DIXDC1: variants seen among roughly 807,000 people sequenced by gnomAD.
The protein encoded by DIXDC1 is DIX domain containing 1.
A neutral mutation model predicts 103.1 loss-of-function variants in DIXDC1; 64 were observed. That is an observed-to-expected ratio of 0.62 (90% CI 0.51 to 0.76). The LOEUF is 0.76. DIXDC1 is among the 30% of genes least tolerant of loss of function. The pLI is 0.00. For synonymous variants in DIXDC1, 266 were observed against 298.5 expected, an observed-to-expected ratio of 0.89 and a Z score of 1.12; for missense variants, 759 against 834.2, an observed-to-expected ratio of 0.91 and a Z score of 1.11.
chr11:111,937,292 C>T, upstream of DIXDC1: 1 of 1,328,696 alleles, frequency 7.5e-7, no homozygotes, highest in East Asian at 3.1e-5. Context: ...GCGACCGCGC[C>T]GGGCCCCTCC....
At chr11:111,949,966 C>T (rs1205067000) in intron 1 of DIXDC1, among the ~76,000 whole-genome samples, 1 of 151,890 alleles carries the variant, frequency 6.6e-6, no homozygotes, top group African/African-American at 2.4e-5. Context: ...ACTTTGTGTC[C>T]GTTATTTATG....
chr11:111,955,123 C>A (rs11530536), intron 1 of DIXDC1, among the ~76,000 whole-genome samples: 1 of 151,954 alleles, frequency 6.6e-6, no homozygotes, highest in Non-Finnish European at 1.5e-5. Flanking sequence ...AACCAGAGTT[C>A]TTTTAAGAAA....
At position 111,964,571 on chromosome 11, in the gene DIXDC1, C is replaced by T; in HGVS notation, c.83C>T (p.Ala28Val). The stretch of plus-strand genomic sequence containing the variant: ...CAGCAACAGCTGCAGGCCTATGTGG[C>T]CTGGGTGAATGCACAGCTGAAGAAG... The part of the protein sequence containing the change: ...FNEQQLQAYV[A>V]WVNAQLKKRP... Residue 28 changes from alanine to valine, a missense_variant, in exon 2 of 20, where the codon GCC (alanine) becomes GTC (valine). Transcript: ENST00000440460. The T allele has an allele frequency of 1.2e-6, 2 of 1,606,904 alleles. No individual in the cohort carries two copies. Among genetic ancestry groups the T allele is most frequent in the South Asian group, 2.2e-5 (2 of 89,878 alleles).
chr11:112,000,280 A>T (rs587719909), intron 17 of DIXDC1, among the ~76,000 whole-genome samples: 276 of 152,354 alleles, frequency 1.8e-3, no homozygotes, highest in African/African-American at 6.4e-3. Flanking sequence ...TTTGCAAATC[A>T]TATTGTCTGA....
chr11:112,014,218 T>C (rs1861517390), intron 17 of DIXDC1, among the ~76,000 whole-genome samples: 2 of 152,184 alleles, frequency 1.3e-5, no homozygotes, highest in Non-Finnish European at 2.9e-5. Flanking sequence ...ATCCATACTT[T>C]GCTGCGAGAT....
At chr11:111,980,539 T>C (rs1477646797) in intron 5 of DIXDC1, among the ~76,000 whole-genome samples, 198 bp from the exon 6 acceptor site, 9 of 152,218 alleles carry the variant, frequency 5.9e-5, no homozygotes, top group Admixed American at 5.9e-4. Context: ...GTCATTCCTT[T>C]ATTCAATATT....
At position 111,995,690 on chromosome 11, in the gene DIXDC1, C is replaced by A. The variant is rs917393755; in HGVS notation, c.1689+126C>A. 2.6e-5 allele frequency: 32 copies of A among 1,246,150 alleles called. No homozygotes were observed. In the African/African-American group the frequency reaches 4.6e-4, roughly 18 times the overall value. 77.2% of individuals were successfully genotyped at this position (1,246,150 alleles called of 1,614,324 possible). A position where few individuals can be genotyped will look rare whatever the true frequency, so the allele number is the denominator to read the frequency against. On this transcript the variant is annotated intron_variant, in intron 16 of 19. Coordinates refer to ENST00000440460, the MANE Select transcript of DIXDC1 (RefSeq NM_001037954.4). Reference sequence around the variant, plus strand: ...CCTGTTAAAGGTTAGAGTTGTTTTTCTCTATTGTTTTTTCTCTCAGTGGAA... The same window carrying A: ...CCTGTTAAAGGTTAGAGTTGTTTTTATCTATTGTTTTTTCTCTCAGTGGAA...
At chr11:111,983,328 A>G (rs1480513815) in intron 7 of DIXDC1, among the ~76,000 whole-genome samples, 1 of 152,192 alleles carries the variant, frequency 6.6e-6, no homozygotes, top group Non-Finnish European at 1.5e-5. Flanking sequence ...CAGGGTGGGG[A>G]CACAAAAGAT....
intron 17 of DIXDC1, among the ~76,000 whole-genome samples, chr11:112,012,445 C>T (rs139509259): frequency 2.2e-3 from 329 of 152,218 alleles, no homozygotes; most frequent in African/African-American, 7.5e-3. Flanking sequence ...AGTGCAAAGA[C>T]AATTGAATGA....
Position 111,977,962 on chromosome 11 carries a change from TG to T in DIXDC1, c.657-2773del, listed in dbSNP as rs587712831. On this transcript the variant is annotated intron_variant, in intron 5 of 19. Coordinates refer to ENST00000440460, the MANE Select transcript of DIXDC1 (RefSeq NM_001037954.4). The surrounding 1 kb of genome is among the most constrained non-coding windows in gnomAD (Gnocchi z 6.1). ...TATAAAATACGGTGGGCGTAGGAAG[TG>T]GAGCCAGCATGGGGGGAGGATGAGT... 6.7e-3 allele frequency among the ~76,000 whole-genome samples: 1,021 copies of T among 151,750 alleles called. 4 individuals carry two copies. The highest frequency in any genetic ancestry group is 0.012 in the Non-Finnish European group (786 of 67,870).
At position 111,992,257 on chromosome 11, in the gene DIXDC1, C is replaced by A. The variant is rs587681336; in HGVS notation, c.1114-158C>A. Among the ~76,000 whole-genome samples, 4 of 152,244 alleles carry A rather than the reference C, an allele frequency of 2.6e-5. No individual in the cohort carries two copies. The South Asian group carries it at 8.3e-4, about 32-fold the overall frequency. Reference sequence around the variant, plus strand: ...AGTTTCCTAGAGGGGGACAGAAAAACCCCTCCTCAGCAACTCGTGGCAAGA... The same window carrying A: ...AGTTTCCTAGAGGGGGACAGAAAAAACCCTCCTCAGCAACTCGTGGCAAGA... On this transcript the variant is annotated intron_variant, in intron 10 of 19. Coordinates refer to ENST00000440460, the MANE Select transcript of DIXDC1 (RefSeq NM_001037954.4).
At chr11:112,002,676 T>A (rs1254222004) in intron 17 of DIXDC1, among the ~76,000 whole-genome samples, 1 of 152,122 alleles carries the variant, frequency 6.6e-6, no homozygotes, top group Non-Finnish European at 1.5e-5. Flanking sequence ...TAGTCCCAGC[T>A]ATTCAGGGGG....
At chr11:111,978,473 C>G (rs1486801093) in intron 5 of DIXDC1, among the ~76,000 whole-genome samples, 1 of 152,094 alleles carries the variant, frequency 6.6e-6, no homozygotes, top group African/African-American at 2.4e-5. Flanking sequence ...ATGGTCTCAC[C>G]TCTCGGTGGC....
intron 2 of DIXDC1, 61 bp downstream of exon 2, chr11:111,964,739 C>T (rs1859674149): frequency 2.7e-6 from 4 of 1,505,852 alleles, no homozygotes; most frequent in South Asian, 1.4e-5. Context: ...CTTCTTTATC[C>T]TTCTTATGCC....
chr11:111,964,462 C>A, intron 1 of DIXDC1, 87 bp from the exon 2 acceptor site: 1 of 1,473,122 alleles, frequency 6.8e-7, no homozygotes, highest in Non-Finnish European at 9.2e-7. Context: ...TATTATACCC[C>A]AGTCACAAAC....
intron 19 of DIXDC1, 81 bp from the exon 20 acceptor site, chr11:112,018,875 G>A: frequency 8.2e-7 from 1 of 1,222,468 alleles, no homozygotes; most frequent in South Asian, 1.3e-5. Context: ...ACATGGTTGA[G>A]GTCTTATTTT....
At chr11:111,989,522 G>T (rs1860621606) in intron 10 of DIXDC1, among the ~76,000 whole-genome samples, 1 of 151,298 alleles carries the variant, frequency 6.6e-6, no homozygotes, top group South Asian at 2.1e-4. Context: ...TACTTGGGAG[G>T]CTGAGGCAGG....
At chr11:111,959,667 C>G (rs1555170895) in intron 1 of DIXDC1, among the ~76,000 whole-genome samples, 1 of 152,202 alleles carries the variant, frequency 6.6e-6, no homozygotes, top group Admixed American at 6.5e-5. Context: ...AAGTGACACT[C>G]AAGGATCCCA....
At chr11:111,939,583 G>C (rs1192636568) in intron 1 of DIXDC1, among the ~76,000 whole-genome samples, 1 of 152,116 alleles carries the variant, frequency 6.6e-6, no homozygotes, top group Admixed American at 6.6e-5. Context: ...CAGCCAATGA[G>C]TACTTTTGAT....
Sources: allele counts gnomAD v4.1 joint callset (sites outside exome capture counted in the v4.1 genomes callset), GRCh38; gene constraint gnomAD v4.1.1; non-coding constraint Gnocchi (gnomAD v3.1); transcripts MANE v1.5; gene names NCBI Gene and HGNC (gene_info 2026-07-23, HGNC 2026-07-21).